STX8: variants seen among roughly 807,000 people sequenced by gnomAD.
STX8 encodes syntaxin 8.
In STX8, 23 loss-of-function variants were observed where a neutral mutation model predicts 37.5. The ratio of observed to expected loss-of-function variants is 0.61; its 90% CI spans 0.44 to 0.87. STX8 has a LOEUF of 0.87. STX8 is among the 40% of genes least tolerant of loss of function. The pLI, the probability that STX8 is intolerant of heterozygous loss-of-function variation, is 0.00. For synonymous variants in STX8, 115 were observed against 99.1 expected (o/e 1.16, Z -0.95); for missense variants, 313 against 284.7 (o/e 1.10, Z -0.71).
intron 6 of STX8, among the ~76,000 whole-genome samples, chr17:9,384,724 C>G (rs1911929841): frequency 6.6e-6 from 1 of 151,736 alleles, no homozygotes; most frequent in African/African-American, 2.4e-5. Context: ...TAAATATATA[C>G]TAATCAAGAG....
chr17:9,347,318 T>C (rs1386977012), intron 7 of STX8, among the ~76,000 whole-genome samples: 1 of 152,116 alleles, frequency 6.6e-6, no homozygotes, highest in African/African-American at 2.4e-5. Flanking sequence ...CTCAATACCA[T>C]AAAGCTCCTA....
At chr17:9,496,328 G>A (rs1047907769) in intron 5 of STX8, among the ~76,000 whole-genome samples, 2 of 151,956 alleles carry the variant, frequency 1.3e-5, no homozygotes, top group Admixed American at 6.6e-5. Flanking sequence ...CAGCTGCCTC[G>A]GCCTCCCAAA....
At chr17:9,479,886 T>C (rs10521158) in intron 6 of STX8, among the ~76,000 whole-genome samples, 32,752 of 151,888 alleles carry the variant, frequency 0.22, 3,617 homozygotes, top group Middle Eastern at 0.24. Context: ...CTGGGTACAC[T>C]GACTGACTGG....
intron 4 of STX8, among the ~76,000 whole-genome samples, chr17:9,514,895 T>A (rs980326401): frequency 3.9e-5 from 6 of 152,180 alleles, no homozygotes; most frequent in Non-Finnish European, 8.8e-5. Context: ...ACACACGCTG[T>A]CCCACAATAT....
intron 1 of STX8, 145 bp downstream of exon 1, chr17:9,575,647 G>GC: frequency 1.0e-6 from 1 of 991,760 alleles, no homozygotes. Flanking sequence ...ATGTGGCTGA[G>GC]CCCCCTCAGT....
At chr17:9,308,411 T>G (rs1909074109) in intron 7 of STX8, among the ~76,000 whole-genome samples, 1 of 152,150 alleles carries the variant, frequency 6.6e-6, no homozygotes, top group South Asian at 2.1e-4. Flanking sequence ...AGGTTCTAGT[T>G]CCTATGACTC....
intron 7 of STX8, among the ~76,000 whole-genome samples, chr17:9,371,107 C>G (rs954990517): frequency 2.6e-5 from 4 of 152,098 alleles, no homozygotes; most frequent in African/African-American, 9.7e-5. Context: ...AATTCATCAT[C>G]GGGCCTCTCT....
At chr17:9,532,552 G>T (rs1477180288) in intron 4 of STX8, among the ~76,000 whole-genome samples, 1 of 152,114 alleles carries the variant, frequency 6.6e-6, no homozygotes, top group Non-Finnish European at 1.5e-5. Flanking sequence ...AACTGTAGGT[G>T]AGAAGTAGAA....
intron 7 of STX8, among the ~76,000 whole-genome samples, chr17:9,311,898 A>G (rs960405280): frequency 2.0e-5 from 3 of 151,372 alleles, no homozygotes; most frequent in Non-Finnish European, 4.4e-5. Flanking sequence ...CCCAGGCTGG[A>G]GTGCAGCAGC....
intron 5 of STX8, among the ~76,000 whole-genome samples, chr17:9,493,097 C>CA (rs34911369): frequency 0.06 from 6,644 of 110,868 alleles, 532 homozygotes; most frequent in African/African-American, 0.19. Flanking sequence ...GACTCCGTCT[C>CA]AAAAAAAAAA....
chr17:9,440,061 C>A (rs770757418), intron 6 of STX8, among the ~76,000 whole-genome samples: 6 of 152,000 alleles, frequency 3.9e-5, no homozygotes, highest in African/African-American at 9.7e-5. Flanking sequence ...ATAGTGGTGG[C>A]ATAAAGTAGG....
chr17:9,254,260 C>T (rs949766956), intron 7 of STX8, among the ~76,000 whole-genome samples: 4 of 152,166 alleles, frequency 2.6e-5, no homozygotes, highest in Admixed American at 6.5e-5. Flanking sequence ...CTTCGACACG[C>T]GCTATCCTTT....
At chr17:9,545,732 C>A (rs1906480961) in intron 3 of STX8, among the ~76,000 whole-genome samples, 2 of 152,180 alleles carry the variant, frequency 1.3e-5, no homozygotes, top group African/African-American at 2.4e-5. Flanking sequence ...AGACGTGCAC[C>A]ACCACAACCG....
At chr17:9,574,827 G>A (rs1907834988) in intron 1 of STX8, among the ~76,000 whole-genome samples, 1 of 152,104 alleles carries the variant, frequency 6.6e-6, no homozygotes, top group Non-Finnish European at 1.5e-5. Flanking sequence ...AGCCACCACC[G>A]CGTCCGGCCT....
intron 6 of STX8, among the ~76,000 whole-genome samples, chr17:9,397,543 C>T (rs141134909): frequency 2.8e-4 from 43 of 152,288 alleles, no homozygotes; most frequent in Non-Finnish European, 4.7e-4. Flanking sequence ...AGAACAAACC[C>T]ACATTGTATG....
At chr17:9,560,463 C>T (rs1012812272) in intron 2 of STX8, among the ~76,000 whole-genome samples, 4 of 140,364 alleles carry the variant, frequency 2.8e-5, no homozygotes, top group Admixed American at 1.4e-4. Flanking sequence ...GAAAAAAAAT[C>T]AAGGGCATTC....
At chr17:9,386,448 T>G (rs1255434323) in intron 6 of STX8, among the ~76,000 whole-genome samples, 3 of 152,062 alleles carry the variant, frequency 2.0e-5, no homozygotes, top group African/African-American at 7.2e-5. Context: ...ATGAGGAAAC[T>G]TTCTGGGAGG....
chr17:9,259,697 C>G (rs62070013), intron 7 of STX8, among the ~76,000 whole-genome samples: 2,885 of 152,226 alleles, frequency 0.019, 40 homozygotes, highest in Middle Eastern at 0.038. Flanking sequence ...GTGAAAGGCC[C>G]AGACTTTTTA....
intron 7 of STX8, among the ~76,000 whole-genome samples, chr17:9,357,803 T>C (rs1474488394): frequency 1.3e-5 from 2 of 152,224 alleles, no homozygotes. Flanking sequence ...TGGTTATGAT[T>C]GCAAAAGTAC....
Sources: gnomAD v4.1 joint callset for allele counts (sites outside exome capture counted in the v4.1 genomes callset) on GRCh38, gnomAD v4.1.1 for gene constraint, MANE v1.5 for transcripts, NCBI Gene and HGNC (gene_info 2026-07-23, HGNC 2026-07-21) for gene names.